Variants in CNTNAP2 observed in about 807,000 individuals in gnomAD.
The protein encoded by CNTNAP2 is contactin-associated protein-like 2.
In CNTNAP2, 98 loss-of-function variants were observed where a neutral mutation model predicts 155.2. That is an observed-to-expected ratio of 0.63 (90% CI 0.54 to 0.75). The LOEUF (loss-of-function observed/expected upper bound fraction) is 0.75, where lower values mean the gene tolerates loss of function less well. Ranked by LOEUF, CNTNAP2 falls within the 30% of genes least tolerant of loss-of-function variation. The pLI, the probability that CNTNAP2 is intolerant of heterozygous loss-of-function variation, is 0.00. For synonymous variants in CNTNAP2, 651 were observed against 631.2 expected, an observed-to-expected ratio of 1.03 and a Z score of -0.47; for missense variants, 1,727 against 1,688.1, an observed-to-expected ratio of 1.02 and a Z score of -0.40.
At chr7:147,287,797 C>G (rs901754587) in intron 8 of CNTNAP2, among the ~76,000 whole-genome samples, 2 of 152,102 alleles carry the variant, frequency 1.3e-5, no homozygotes, top group Non-Finnish European at 2.9e-5. Context: ...GCTTAAGTTA[C>G]AGATCTATTT....
intron 13 of CNTNAP2, among the ~76,000 whole-genome samples, chr7:147,798,254 CT>C (rs753691389): frequency 4.6e-5 from 7 of 151,990 alleles, no homozygotes; most frequent in African/African-American, 7.3e-5. Flanking sequence ...ATCATTTTCC[CT>C]TATGGATACC....
At chr7:146,518,337 C>T (rs1043695818) in intron 1 of CNTNAP2, among the ~76,000 whole-genome samples, 4 of 151,346 alleles carry the variant, frequency 2.6e-5, no homozygotes, top group Admixed American at 6.6e-5. Flanking sequence ...AATTAAACTC[C>T]GAAGAATAAG....
At chr7:148,200,480 G>A (rs1313000787) in intron 18 of CNTNAP2, among the ~76,000 whole-genome samples, 11 of 150,106 alleles carry the variant, frequency 7.3e-5, no homozygotes, top group Admixed American at 3.3e-4. Context: ...CTGGAGCTTC[G>A]AACTCCTGGG....
In CNTNAP2 at chr7:146,713,718, T is replaced by C. The variant is rs533576916; in HGVS notation, c.98-60553T>C. ...TTTTCCCATTCCTGATCATCCTACA[T>C]GTCAAGCACTGCCAACGTTTACTCA... On this transcript the variant is annotated intron_variant, in intron 1 of 23. Transcript: ENST00000361727. Among the ~76,000 whole-genome samples, 3 of 152,248 alleles carry C rather than the reference T, an allele frequency of 2.0e-5. No individual in the cohort carries two copies. The East Asian group carries it at 5.8e-4, about 29-fold the overall frequency.
At chr7:147,530,815 A>G (rs1394562677) in intron 11 of CNTNAP2, among the ~76,000 whole-genome samples, 1 of 152,138 alleles carries the variant, frequency 6.6e-6, no homozygotes, top group Admixed American at 6.5e-5. Context: ...CATTAACTCA[A>G]AAGTCCACAG....
At chr7:147,778,812 G>C (rs1328450510) in intron 13 of CNTNAP2, among the ~76,000 whole-genome samples, 2 of 152,042 alleles carry the variant, frequency 1.3e-5, no homozygotes, top group African/African-American at 4.8e-5. Flanking sequence ...CGCCCGGCCT[G>C]GAAAGAAAGA....
At chr7:147,923,039 T>A (rs1261997149) in intron 14 of CNTNAP2, among the ~76,000 whole-genome samples, 1 of 149,788 alleles carries the variant, frequency 6.7e-6, no homozygotes, top group Non-Finnish European at 1.5e-5. Context: ...ACATGGAAAA[T>A]GAGGTCAGGA....
chr7:146,150,128 G>T (rs1259794072), intron 1 of CNTNAP2, among the ~76,000 whole-genome samples: 2 of 152,090 alleles, frequency 1.3e-5, no homozygotes, highest in Non-Finnish European at 2.9e-5. Flanking sequence ...TGTTTACAAA[G>T]ATAAATGTCT....
chr7:147,133,945 C>T (rs531418583), intron 8 of CNTNAP2, among the ~76,000 whole-genome samples: 14 of 151,922 alleles, frequency 9.2e-5, no homozygotes, highest in African/African-American at 2.9e-4. Context: ...ATAAGTATAC[C>T]TAGGGAGGTT....
chr7:146,196,517 T>G lies in CNTNAP2; in HGVS notation c.97+79544T>G, dbSNP rs562619177. ...ATCATTTAAGGTAAGCCCAAGACTA[T>G]AGGGAAAAATTATATACAGAGAGTC... On this transcript the variant is annotated intron_variant, in intron 1 of 23. Coordinates refer to ENST00000361727, the MANE Select transcript of CNTNAP2 (RefSeq NM_014141.6). Among the ~76,000 whole-genome samples the G allele has an allele frequency of 8.0e-5, 12 of 149,294 alleles. No individual in the cohort carries two copies. The East Asian group carries it at 2.4e-3, about 30-fold the overall frequency.
At chr7:146,789,800 A>G (rs1461255424) in intron 2 of CNTNAP2, among the ~76,000 whole-genome samples, 2 of 151,544 alleles carry the variant, frequency 1.3e-5, no homozygotes, top group East Asian at 3.8e-4. Flanking sequence ...TATTCAAAAC[A>G]CACCTGGGAA....
chr7:147,359,020 T>C (rs529746998), intron 9 of CNTNAP2, among the ~76,000 whole-genome samples: 14 of 152,302 alleles, frequency 9.2e-5, no homozygotes, highest in African/African-American at 2.9e-4. Context: ...GTCTTATACC[T>C]GGCACACTTC....
chr7:148,396,266 C>T (rs908766332), intron 22 of CNTNAP2, among the ~76,000 whole-genome samples: 15 of 152,164 alleles, frequency 9.9e-5, no homozygotes, highest in African/African-American at 3.6e-4. Flanking sequence ...GCGAGTTGAG[C>T]TCAGTGTTAT....
intron 1 of CNTNAP2, among the ~76,000 whole-genome samples, chr7:146,191,842 G>A (rs148211078): frequency 0.014 from 2,158 of 152,118 alleles, 47 homozygotes; most frequent in African/African-American, 0.048. Context: ...TTTTTTCAAG[G>A]TGCCCAGATT....
At chr7:147,141,789 C>T (rs898918491) in intron 8 of CNTNAP2, among the ~76,000 whole-genome samples, 1 of 152,138 alleles carries the variant, frequency 6.6e-6, no homozygotes, top group Non-Finnish European at 1.5e-5. Context: ...ATGTCCTTAT[C>T]ATGTCCATTG....
intron 20 of CNTNAP2, among the ~76,000 whole-genome samples, chr7:148,235,088 G>A (rs1232582634): frequency 6.6e-6 from 1 of 152,152 alleles, no homozygotes; most frequent in Non-Finnish European, 1.5e-5. Context: ...ACCAAAAAGA[G>A]GATGACTTTG....
At chr7:146,546,914 G>T (rs544043052) in intron 1 of CNTNAP2, among the ~76,000 whole-genome samples, 2 of 152,076 alleles carry the variant, frequency 1.3e-5, no homozygotes, top group Admixed American at 6.6e-5. Flanking sequence ...TACAATTCAA[G>T]ATGAAATTTG....
At chr7:147,198,408 T>G (rs2116542033) in intron 8 of CNTNAP2, among the ~76,000 whole-genome samples, 1 of 152,210 alleles carries the variant, frequency 6.6e-6, no homozygotes, top group African/African-American at 2.4e-5. Context: ...ATTTTTGTAT[T>G]TTTAGTAGAG....
At chr7:146,312,586 TA>T (rs918377574) in intron 1 of CNTNAP2, among the ~76,000 whole-genome samples, 10 of 152,310 alleles carry the variant, frequency 6.6e-5, no homozygotes, top group Admixed American at 4.6e-4. Context: ...GTGAGAACAT[TA>T]AAACTTTTTA....
Sources: gnomAD v4.1 joint callset for allele counts (sites outside exome capture counted in the v4.1 genomes callset) on GRCh38, gnomAD v4.1.1 for gene constraint, MANE v1.5 for transcripts, NCBI Gene and HGNC (gene_info 2026-07-23, HGNC 2026-07-21) for gene names.